ENPP3: variants seen among roughly 807,000 people sequenced by gnomAD.
The protein encoded by ENPP3 is ectonucleotide pyrophosphatase/phosphodiesterase 3.
In ENPP3, 104 loss-of-function variants were observed where a neutral mutation model predicts 117.8. That is an observed-to-expected ratio of 0.88 (90% CI 0.75 to 1.04). The LOEUF is 1.04. ENPP3 is among the 50% of genes least tolerant of loss of function. The probability of loss-of-function intolerance (pLI) is 0.00; values close to 1 mark genes in which losing one functional copy is unlikely to be tolerated. For missense variants in ENPP3, 1,026 were observed against 1,051.9 expected (o/e 0.98, Z 0.34); for synonymous variants, 380 against 349.9 (o/e 1.09, Z -0.96).
At chr6:131,715,774 C>T (rs1779875728) in intron 15 of ENPP3, among the ~76,000 whole-genome samples, 1 of 152,126 alleles carries the variant, frequency 6.6e-6, no homozygotes, top group Non-Finnish European at 1.5e-5. Flanking sequence ...TGGTGGCTGC[C>T]CACTGGACTC....
Position 131,652,884 on chromosome 6 carries a change from C to A in ENPP3, c.457C>A (p.Pro153Thr). Reference sequence around the variant, plus strand: ...TGACACAGCCCAGCAGTCTCAGTGCCCAGAAGGGTGAGCATGACTGATACA... The same window carrying A: ...TGACACAGCCCAGCAGTCTCAGTGCACAGAAGGGTGAGCATGACTGATACA... Reference protein sequence around the residue: ...NCDTAQQSQCPEGFDLPPVIL... With the variant: ...NCDTAQQSQCTEGFDLPPVIL... Residue 153 changes from proline (P) to threonine (T), a missense_variant, in exon 5 of 25, where the codon CCA becomes ACA. Pro to Thr is a conservative substitution (Grantham distance 38, BLOSUM62 -1). Coordinates refer to ENST00000357639, the MANE Select transcript of ENPP3 (RefSeq NM_005021.5). 2 of 1,609,672 alleles carry A rather than the reference C, an allele frequency of 1.2e-6. No individual in the cohort carries two copies. Among genetic ancestry groups the A allele is most frequent in the South Asian group, 2.2e-5 (2 of 90,980 alleles).
chr6:131,678,641 C>T (rs1585655534), intron 11 of ENPP3, among the ~76,000 whole-genome samples: 1 of 152,338 alleles, frequency 6.6e-6, no homozygotes, highest in African/African-American at 2.4e-5. Flanking sequence ...GACAATTGTC[C>T]TCAATTGGAA....
In ENPP3 at chr6:131,675,135, G is replaced by A; in HGVS notation, c.818G>A (p.Gly273Glu). The A allele has an allele frequency of 6.2e-7, 1 of 1,613,818 alleles. No homozygotes were observed. Among genetic ancestry groups the A allele is most frequent in the Non-Finnish European group, 8.5e-7 (1 of 1,179,796 alleles). Residue 273 changes from glycine (G) to glutamate (E), a missense_variant, in exon 9 of 25, where the codon GGA (glycine) becomes GAA (glutamate). Gly to Glu is a moderately conservative substitution (Grantham distance 98). Coordinates refer to ENST00000357639, the MANE Select transcript of ENPP3 (RefSeq NM_005021.5). ...AAAGCCGCTACCTACTTTTGGCCCG[G>A]ATCAGAAGTGGCTATAAATGGCTCC... ...GLKAATYFWP[G>E]SEVAINGSFP...
chr6:131,733,327 C>A (rs1780325429), intron 20 of ENPP3, among the ~76,000 whole-genome samples: 1 of 152,144 alleles, frequency 6.6e-6, no homozygotes, highest in Non-Finnish European at 1.5e-5. Flanking sequence ...CATTATTCCT[C>A]TGCTCTCAAT....
intron 11 of ENPP3, 109 bp from the exon 12 acceptor site, chr6:131,682,945 A>G (rs894640532): frequency 2.8e-6 from 2 of 725,558 alleles, no homozygotes; most frequent in Non-Finnish European, 4.9e-6. Flanking sequence ...CTGTTTCAAA[A>G]CCAGCAATTT....
At chr6:131,738,386 T>C (rs987673240) in intron 23 of ENPP3, among the ~76,000 whole-genome samples, 14 of 152,082 alleles carry the variant, frequency 9.2e-5, no homozygotes, top group African/African-American at 3.4e-4. Context: ...TTTAGCAAAA[T>C]TTTATTTGGA....
In ENPP3 at chr6:131,711,896, GA is replaced by G. The variant is rs1779798571; in HGVS notation, c.1413-6774del. Among the ~76,000 whole-genome samples the G allele has an allele frequency of 1.6e-5, 2 of 126,114 alleles. 1 individual carries two copies. The highest frequency in any genetic ancestry group is 1.7e-4 in the Admixed American group (2 of 12,108). 82.7% of individuals were successfully genotyped at this position (126,114 alleles called of 152,430 possible). ...GTATCATCTTTATTCCAGTCTGAGT[GA>G]AGTATAGCAACCTTCTGTCATATTA... is the stretch of plus-strand genomic sequence containing the variant. On this transcript the variant is annotated intron_variant, in intron 15 of 24. Coordinates refer to ENST00000357639, the MANE Select transcript of ENPP3 (RefSeq NM_005021.5).
At chr6:131,720,892 A>G (rs181465722) in intron 17 of ENPP3, among the ~76,000 whole-genome samples, 7 of 152,262 alleles carry the variant, frequency 4.6e-5, no homozygotes, top group African/African-American at 1.2e-4. Flanking sequence ...GCCAGTAATG[A>G]TAAACTTTAG....
intron 1 of ENPP3, chr6:131,638,528 TGAGTA>T: frequency 2.2e-6 from 1 of 444,570 alleles, no homozygotes; most frequent in Non-Finnish European, 4.5e-6. Context: ...CTCAGCCTCC[TGAGTA>T]GCTTGGACCA....
At chr6:131,701,344 G>C in intron 15 of ENPP3, 3 of 1,613,460 alleles carry the variant, frequency 1.9e-6, no homozygotes, top group Non-Finnish European at 2.5e-6. Flanking sequence ...TGAATCCTTG[G>C]GCCAACGGGA....
chr6:131,715,798 G>C (rs1374087241), intron 15 of ENPP3, among the ~76,000 whole-genome samples: 4 of 152,108 alleles, frequency 2.6e-5, no homozygotes, highest in Non-Finnish European at 5.9e-5. Context: ...CTCAGAGTTG[G>C]TGCTAGTGCT....
intron 20 of ENPP3, among the ~76,000 whole-genome samples, chr6:131,731,469 G>C (rs1780279302): frequency 6.6e-6 from 1 of 152,152 alleles, no homozygotes; most frequent in Non-Finnish European, 1.5e-5. Flanking sequence ...AATGAGATTG[G>C]GGAATCTTAT....
chr6:131,679,026 C>CTTCCTTTCTTTCT (rs1562446870), intron 11 of ENPP3, among the ~76,000 whole-genome samples: 1 of 47,820 alleles, frequency 2.1e-5, no homozygotes, highest in Non-Finnish European at 3.7e-5. Flanking sequence ...TCCTTCCTTC[C>CTTCCTTTCTTTCT]TTCTTTCTTT....
chr6:131,642,949 C>T (rs1232563446), intron 2 of ENPP3: 2 of 152,212 alleles, frequency 1.3e-5, no homozygotes, highest in African/African-American at 4.8e-5. Flanking sequence ...GGCTACTATA[C>T]TGCCAATGCA....
At chr6:131,712,267 G>A (rs1310958453) in intron 15 of ENPP3, among the ~76,000 whole-genome samples, 3 of 146,450 alleles carry the variant, frequency 2.0e-5, no homozygotes, top group African/African-American at 8.1e-5. Flanking sequence ...TTTAAAGTAT[G>A]CTGAATTTAT....
chr6:131,734,125 A>G (rs1207471236), intron 21 of ENPP3, among the ~76,000 whole-genome samples: 1 of 152,122 alleles, frequency 6.6e-6, no homozygotes, highest in Non-Finnish European at 1.5e-5. Flanking sequence ...CAGAACATGT[A>G]CTAAAATAGG....
At chr6:131,723,061 G>A (rs1266598295) in intron 18 of ENPP3, among the ~76,000 whole-genome samples, 2 of 152,186 alleles carry the variant, frequency 1.3e-5, no homozygotes, top group Non-Finnish European at 2.9e-5. Context: ...AGAGCGCCTG[G>A]ATGGGGTTGG....
intron 15 of ENPP3, among the ~76,000 whole-genome samples, chr6:131,705,535 T>G (rs1779621430): frequency 6.6e-6 from 1 of 151,646 alleles, no homozygotes; most frequent in Admixed American, 6.6e-5. Flanking sequence ...TTAAGGAGGT[T>G]TGTAAAATAG....
chr6:131,672,546 C>T (rs996515106), intron 7 of ENPP3, among the ~76,000 whole-genome samples: 1 of 152,026 alleles, frequency 6.6e-6, no homozygotes, highest in Non-Finnish European at 1.5e-5. Context: ...ATGTCGTAAT[C>T]AGAGGCTCTC....
Sources: allele counts gnomAD v4.1 joint callset (sites outside exome capture counted in the v4.1 genomes callset), GRCh38; gene constraint gnomAD v4.1.1; transcripts MANE v1.5; gene names NCBI Gene and HGNC (gene_info 2026-07-23, HGNC 2026-07-21).